CELF5: variants seen among roughly 807,000 people sequenced by gnomAD.
CELF5 encodes the protein CUGBP Elav-like family member 5.
CELF5 carries 6 observed loss-of-function variants against 54.9 expected under a neutral mutation model. The observed-to-expected ratio is 0.11, with a 90% confidence interval of 0.06 to 0.22. The LOEUF (loss-of-function observed/expected upper bound fraction) is 0.22. Ranked by LOEUF, CELF5 falls within the 10% of genes least tolerant of loss-of-function variation. CELF5 has a pLI of 1.00. For synonymous variants in CELF5, 271 were observed against 290.9 expected, an observed-to-expected ratio of 0.93 and a Z score of 0.70; for missense variants, 401 against 678.6, an observed-to-expected ratio of 0.59 and a Z score of 4.54.
At chr19:3,244,590 A>G (rs2079536913) in intron 1 of CELF5, among the ~76,000 whole-genome samples, 1 of 136,110 alleles carries the variant, frequency 7.3e-6, no homozygotes. Flanking sequence ...GCATGCATCT[A>G]TGTGTGGTGC....
intron 1 of CELF5, among the ~76,000 whole-genome samples, chr19:3,243,123 G>T (rs2079514534): frequency 6.6e-6 from 1 of 152,060 alleles, no homozygotes; most frequent in Non-Finnish European, 1.5e-5. Context: ...AGTATTAAAT[G>T]ATTCAGTATA....
chr19:3,233,770 G>A (rs1464364468), intron 1 of CELF5, among the ~76,000 whole-genome samples: 2 of 152,230 alleles, frequency 1.3e-5, no homozygotes, highest in Non-Finnish European at 2.9e-5. Flanking sequence ...TTTACCCCAA[G>A]AGAGGTGGAG....
chr19:3,241,033 C>A (rs972499024), intron 1 of CELF5, among the ~76,000 whole-genome samples: 1 of 151,650 alleles, frequency 6.6e-6, no homozygotes, highest in African/African-American at 2.4e-5. Context: ...GATTTGTGTG[C>A]AGTGCATTGT....
chr19:3,235,866 G>A (rs112131252), intron 1 of CELF5, among the ~76,000 whole-genome samples: 2,213 of 151,486 alleles, frequency 0.015, 52 homozygotes, highest in African/African-American at 0.052. Context: ...GGATGAATAG[G>A]TGGGAGGATG....
At chr19:3,254,448 T>A (rs1441124995) in intron 2 of CELF5, among the ~76,000 whole-genome samples, 1 of 149,312 alleles carries the variant, frequency 6.7e-6, no homozygotes, top group East Asian at 2.0e-4. Context: ...CATCTACGCA[T>A]CCATCCATCC....
intron 1 of CELF5, 57 bp from the exon 2 acceptor site, chr19:3,250,928 G>A (rs2079639067): frequency 6.8e-6 from 9 of 1,319,762 alleles, no homozygotes; most frequent in Non-Finnish European, 8.7e-6. Context: ...GGGTGGTGCT[G>A]CTGTGACCAT....
chr19:3,275,707 C>A lies in CELF5; in HGVS notation c.395-149C>A. The A allele has an allele frequency of 1.3e-6, 1 of 784,692 alleles. No individual in the cohort carries two copies. Among genetic ancestry groups the A allele is most frequent in the Non-Finnish European group, 2.0e-6 (1 of 511,744 alleles). 48.6% of individuals were successfully genotyped at this position (784,692 alleles called of 1,614,324 possible). ...GGCAGGGAAAGGGCGCGGCTGGGTC[C>A]TCCCTCGCACGCGCAGAACCGGAGC... On this transcript the variant is annotated intron_variant, in intron 3 of 12. Transcript: ENST00000292672. This position sits in a 1 kb window ranked among gnomAD's most constrained non-coding sequence, Gnocchi z 6.7.
Position 3,281,084 on chromosome 19 carries a change from G to A in CELF5, c.604-115G>A. On this transcript the variant is annotated intron_variant, in intron 5 of 12. Transcript: ENST00000292672. The surrounding 1 kb of genome is among the most constrained non-coding windows in gnomAD (Gnocchi z 6.5). ...TGGGGGCCCGTGGACATGGCTGACA[G>A]CCACTGGCATTACACCCCTCACCCA... 7.9e-7 allele frequency: 1 copy of A among 1,265,304 alleles called. No individual in the cohort carries two copies. The highest frequency in any genetic ancestry group is 1.1e-6 in the Non-Finnish European group (1 of 903,260). 78.4% of individuals were successfully genotyped at this position (1,265,304 alleles called of 1,614,324 possible). A position where few individuals can be genotyped will look rare whatever the true frequency, so the allele number is the denominator to read the frequency against.
In CELF5 at chr19:3,282,378, A is replaced by C. The variant is rs753196274; in HGVS notation, c.919A>C (p.Thr307Pro). ...GCTGCACTCACCCCCGCTGCTGGGCACCACCGCTGTGCCTGGCCTCGTGGC... is the reference window on the plus strand; with the variant it reads ...GCTGCACTCACCCCCGCTGCTGGGCCCCACCGCTGTGCCTGGCCTCGTGGC... ...SGLHSPPLLGTTAVPGLVAPI... is the reference protein window; with the variant it reads ...SGLHSPPLLGPTAVPGLVAPI... The change falls in exon 8 of 13, where the codon ACC becomes CCC. Residue 307 changes from threonine (T) to proline (P), a missense_variant. Physicochemically the swap from Thr to Pro is conservative, Grantham distance 38 (BLOSUM62 -1). Transcript: ENST00000292672. This position sits in a 1 kb window ranked among gnomAD's most constrained non-coding sequence, Gnocchi z 5.2. 16 of 1,610,566 alleles carry C rather than the reference A, an allele frequency of 9.9e-6. No individual in the cohort carries two copies. The highest frequency in any genetic ancestry group is 7.6e-6 in the Non-Finnish European group (9 of 1,179,872).
chr19:3,254,847 C>A (rs1032441824), intron 2 of CELF5, among the ~76,000 whole-genome samples: 2 of 151,790 alleles, frequency 1.3e-5, no homozygotes, highest in East Asian at 3.9e-4. Flanking sequence ...TCCATCTATC[C>A]ATTACTCATC....
chr19:3,280,661 C>T (rs2080134586), intron 5 of CELF5, among the ~76,000 whole-genome samples: 1 of 152,162 alleles, frequency 6.6e-6, no homozygotes, highest in South Asian at 2.1e-4. Context: ...ACTTGTCCCG[C>T]CTTGTTCCTC....
chr19:3,281,189 GC>G lies in CELF5; in HGVS notation c.604-6del. 6.2e-7 allele frequency: 1 copy of G among 1,600,960 alleles called. No homozygotes were observed. Among genetic ancestry groups the G allele is most frequent in the Non-Finnish European group, 8.5e-7 (1 of 1,175,984 alleles). ...CCCGTTTCCCTCCCTGCTCGCCGCT[GC>G]CCCTGCAGGGAGCCTCCTCCAGCCT... On this transcript the variant is annotated splice_polypyrimidine_tract_variant and intron_variant, in intron 5 of 12. Transcript: ENST00000292672. This position sits in a 1 kb window ranked among gnomAD's most constrained non-coding sequence, Gnocchi z 6.5.
chr19:3,273,901 G>A lies in CELF5; in HGVS notation c.372G>A (p.Ala124=), dbSNP rs769744337. Residue 124 remains alanine, a synonymous_variant, in exon 3 of 13, where the codon GCG becomes GCA. Transcript: ENST00000292672. ...CGCGGCCAATCCAGGTGAAGCCTGC[G>A]GACAGTGAAAGCCGCGGAGGTAGTT... ...GMARPIQVKP[A]DSESRGGRDR... 14 of 1,613,738 alleles carry A rather than the reference G, an allele frequency of 8.7e-6. No individual in the cohort carries two copies. Among genetic ancestry groups the A allele is most frequent in the East Asian group, 4.5e-5 (2 of 44,872 alleles).
At chr19:3,280,424 A>T (rs966015420) in intron 5 of CELF5, among the ~76,000 whole-genome samples, 1 of 151,806 alleles carries the variant, frequency 6.6e-6, no homozygotes, top group African/African-American at 2.4e-5. Flanking sequence ...TAAAAAAAAA[A>T]ATTAGCTGGG....
intron 11 of CELF5, among the ~76,000 whole-genome samples, chr19:3,290,812 C>T (rs1211546751): frequency 1.3e-5 from 2 of 150,952 alleles, no homozygotes; most frequent in Admixed American, 6.6e-5. Context: ...GTGATCTGCC[C>T]GCCTCGGCCT....
intron 2 of CELF5, among the ~76,000 whole-genome samples, chr19:3,266,042 G>A (rs1415688091): frequency 1.3e-5 from 2 of 152,170 alleles, no homozygotes; most frequent in East Asian, 3.8e-4. Context: ...CCTGACCTCA[G>A]GTGATCTGCC....
intron 2 of CELF5, among the ~76,000 whole-genome samples, chr19:3,253,487 T>C (rs1274371231): frequency 6.6e-6 from 1 of 152,154 alleles, no homozygotes; most frequent in Non-Finnish European, 1.5e-5. Flanking sequence ...TGAGCTTCCT[T>C]ACAACATGGC....
intron 1 of CELF5, among the ~76,000 whole-genome samples, chr19:3,242,977 A>G (rs2079512727): frequency 6.6e-6 from 1 of 151,866 alleles, no homozygotes; most frequent in Non-Finnish European, 1.5e-5. Flanking sequence ...TAATAATAAT[A>G]ATAATAATAA....
intron 1 of CELF5, among the ~76,000 whole-genome samples, chr19:3,242,935 G>C (rs1432880888): frequency 6.6e-6 from 1 of 151,856 alleles, no homozygotes; most frequent in African/African-American, 2.4e-5. Flanking sequence ...CTGCACTTCA[G>C]CCTGAGCAAC....
Sources: allele counts gnomAD v4.1 joint callset (sites outside exome capture counted in the v4.1 genomes callset), GRCh38; gene constraint gnomAD v4.1.1; non-coding constraint Gnocchi (gnomAD v3.1); transcripts MANE v1.5; gene names NCBI Gene and HGNC (gene_info 2026-07-23, HGNC 2026-07-21).